The following PHF14 variants were observed in gnomAD, a reference collection of about 807,000 sequenced individuals.
PHF14 encodes the protein PHD finger protein 14.
A neutral mutation model predicts 117.9 loss-of-function variants in PHF14; 55 were observed. That is an observed-to-expected ratio of 0.47 (90% CI 0.38 to 0.58). The LOEUF is 0.58. PHF14 is among the 20% of genes least tolerant of loss of function. The pLI is 0.00. For synonymous variants in PHF14, 409 were observed against 368.6 expected (o/e 1.11, Z -1.26); for missense variants, 978 against 1,122.2 (o/e 0.87, Z 1.84).
intron 17 of PHF14, among the ~76,000 whole-genome samples, chr7:11,136,460 CCA>C (rs1209408812): frequency 2.0e-5 from 3 of 152,006 alleles, no homozygotes; most frequent in Non-Finnish European, 4.4e-5. Context: ...ATGAATGAAT[CCA>C]GATTTTCAGA....
intron 4 of PHF14, 89 bp from the exon 5 acceptor site, chr7:11,013,658 C>T (rs1166731590): frequency 1.6e-5 from 10 of 634,868 alleles, no homozygotes; most frequent in Non-Finnish European, 2.3e-5. Context: ...TCTTTTTCCT[C>T]ATCTCTTTGC....
intron 17 of PHF14, among the ~76,000 whole-genome samples, chr7:11,135,217 C>T (rs1189466051): frequency 2.0e-5 from 3 of 151,998 alleles, no homozygotes; most frequent in African/African-American, 7.2e-5. Flanking sequence ...TCAGTTTCCT[C>T]ATGTTAAAAT....
chr7:11,132,031 A>G (rs1788104243), intron 17 of PHF14, among the ~76,000 whole-genome samples: 1 of 151,792 alleles, frequency 6.6e-6, no homozygotes, highest in Non-Finnish European at 1.5e-5. Context: ...GATATATGGT[A>G]AAAAGTTACT....
chr7:11,146,732 A>G (rs1355557607), intron 17 of PHF14, among the ~76,000 whole-genome samples: 1 of 152,200 alleles, frequency 6.6e-6, no homozygotes, highest in African/African-American at 2.4e-5. Context: ...GGTCATTTCC[A>G]GCAGAACTAG....
intron 6 of PHF14, among the ~76,000 whole-genome samples, chr7:11,024,298 G>T (rs553654370): frequency 6.6e-6 from 1 of 152,292 alleles, no homozygotes; most frequent in South Asian, 2.1e-4. Flanking sequence ...AGCCATCTCC[G>T]TAATATAAAA....
intron 17 of PHF14, among the ~76,000 whole-genome samples, chr7:11,148,279 C>T (rs965162274): frequency 6.6e-6 from 1 of 152,176 alleles, no homozygotes; most frequent in African/African-American, 2.4e-5. Context: ...CACTGCAAAT[C>T]AAATAACCGT....
At chr7:11,138,904 T>TA (rs1414329350) in intron 17 of PHF14, among the ~76,000 whole-genome samples, 2 of 152,200 alleles carry the variant, frequency 1.3e-5, no homozygotes, top group African/African-American at 4.8e-5. Flanking sequence ...AGATGGTTGT[T>TA]ACATTTTTTT....
At chr7:10,977,109 C>T (rs1781895021) in intron 2 of PHF14, among the ~76,000 whole-genome samples, 1 of 151,566 alleles carries the variant, frequency 6.6e-6, no homozygotes, top group Admixed American at 6.6e-5. Flanking sequence ...CTTTTCTGTG[C>T]CTGAGATAGT....
chr7:11,032,264 TAAG>T (rs763173351), intron 7 of PHF14, among the ~76,000 whole-genome samples: 6 of 152,128 alleles, frequency 3.9e-5, no homozygotes, highest in Middle Eastern at 3.2e-3. Context: ...AATGCATAAT[TAAG>T]AAGATAAGTT....
At chr7:11,100,875 T>C (rs926711982) in intron 16 of PHF14, among the ~76,000 whole-genome samples, 4 of 152,054 alleles carry the variant, frequency 2.6e-5, no homozygotes, top group African/African-American at 9.6e-5. Flanking sequence ...TATTTGACTT[T>C]GTTGGGACAA....
chr7:10,985,053 T>C (rs1304968678), intron 3 of PHF14, among the ~76,000 whole-genome samples: 1 of 152,180 alleles, frequency 6.6e-6, no homozygotes, highest in African/African-American at 2.4e-5. Flanking sequence ...CAGTAGTTTT[T>C]TGATGATTTT....
intron 16 of PHF14, chr7:11,104,791 A>C (rs779969242): frequency 1.5e-6 from 1 of 684,128 alleles, no homozygotes; most frequent in Non-Finnish European, 1.8e-6. Flanking sequence ...GATTTAGTAG[A>C]AAATTTGCAT....
At chr7:11,077,320 A>C (rs1785900328) in intron 16 of PHF14, among the ~76,000 whole-genome samples, 1 of 151,800 alleles carries the variant, frequency 6.6e-6, no homozygotes, top group African/African-American at 2.4e-5. Flanking sequence ...AGCCAGATTC[A>C]GCCGGGCGCA....
intron 17 of PHF14, among the ~76,000 whole-genome samples, chr7:11,155,379 C>T (rs1788811351): frequency 2.0e-5 from 3 of 152,116 alleles, no homozygotes; most frequent in African/African-American, 7.2e-5. Flanking sequence ...CAGAAGTAAC[C>T]AACCATGAGC....
chr7:11,074,002 G>A (rs986125860), intron 16 of PHF14, among the ~76,000 whole-genome samples: 1 of 152,128 alleles, frequency 6.6e-6, no homozygotes, highest in African/African-American at 2.4e-5. Context: ...CCCAGGCATG[G>A]CCTCTGAAAA....
chr7:10,995,739 C>T (rs542918510), intron 4 of PHF14, among the ~76,000 whole-genome samples: 17 of 152,274 alleles, frequency 1.1e-4, no homozygotes, highest in Middle Eastern at 3.4e-3. Flanking sequence ...AGAGCAGCGC[C>T]GGCGGGCCAG....
chr7:11,120,209 T>C (rs1385032642), intron 17 of PHF14, among the ~76,000 whole-genome samples: 1 of 151,902 alleles, frequency 6.6e-6, no homozygotes, highest in Non-Finnish European at 1.5e-5. Context: ...CAAACTGGGC[T>C]CAGGTCTTAA....
At chr7:10,981,970 G>C (rs796131206) in intron 2 of PHF14, among the ~76,000 whole-genome samples, 13 of 152,238 alleles carry the variant, frequency 8.5e-5, no homozygotes, top group East Asian at 3.9e-4. Context: ...GTTTATAAAA[G>C]ATGTTTAAGG....
chr7:11,115,265 T>G (rs974992869), intron 17 of PHF14, among the ~76,000 whole-genome samples: 2 of 152,102 alleles, frequency 1.3e-5, no homozygotes, highest in South Asian at 4.1e-4. Context: ...GCTATCTGAA[T>G]AGATGGGCCA....
Sources: allele counts gnomAD v4.1 joint callset (sites outside exome capture counted in the v4.1 genomes callset), GRCh38; gene constraint gnomAD v4.1.1; transcripts MANE v1.5; gene names NCBI Gene and HGNC (gene_info 2026-07-23, HGNC 2026-07-21).